Variants in SKI observed in about 807,000 individuals in gnomAD.
SKI encodes SKI proto-oncogene.
A neutral mutation model predicts 59.3 loss-of-function variants in SKI; 23 were observed. That is an observed-to-expected ratio of 0.39 (90% CI 0.28 to 0.55). The LOEUF (loss-of-function observed/expected upper bound fraction) is 0.55. Among genes scored for constraint, SKI ranks in the 20% least tolerant of loss-of-function variants. The probability of loss-of-function intolerance (pLI) is 0.67; values close to 1 mark genes in which losing one functional copy is unlikely to be tolerated. For missense variants in SKI, 1,017 were observed against 1,038.9 expected (o/e 0.98, Z 0.29); for synonymous variants, 673 against 488.6 (o/e 1.38, Z -4.98).
intron 1 of SKI, among the ~76,000 whole-genome samples, chr1:2,274,571 C>A (rs1639700830): frequency 6.6e-6 from 1 of 152,250 alleles, no homozygotes; most frequent in African/African-American, 2.4e-5. Flanking sequence ...CCACTCCTGC[C>A]CCATGGCAGG....
In SKI at chr1:2,264,350, A is replaced by G. The variant is rs571764645; in HGVS notation, c.969+34615A>G. On this transcript the variant is annotated intron_variant, in intron 1 of 6. Transcript: ENST00000378536. ...AGTGGCACGATCTCGGCTCACTGCAACCTCTGCCTCTGGGTTCAAGTGATT... is the reference window on the plus strand; with the variant it reads ...AGTGGCACGATCTCGGCTCACTGCAGCCTCTGCCTCTGGGTTCAAGTGATT... Among the ~76,000 whole-genome samples, 32 of 152,146 alleles carry G rather than the reference A, an allele frequency of 2.1e-4. No individual in the cohort carries two copies. The South Asian group carries it at 4.6e-3, about 22-fold the overall frequency.
intron 1 of SKI, among the ~76,000 whole-genome samples, chr1:2,244,121 A>G (rs1638939523): frequency 6.6e-6 from 1 of 151,950 alleles, no homozygotes; most frequent in African/African-American, 2.4e-5. Flanking sequence ...GCCCGCCACC[A>G]CACCCGGATA....
intron 1 of SKI, among the ~76,000 whole-genome samples, chr1:2,251,454 G>A (rs1440739699): frequency 6.6e-6 from 1 of 152,098 alleles, no homozygotes; most frequent in African/African-American, 2.4e-5. Flanking sequence ...TCTTATTTCA[G>A]AGCCGGCAGG....
intron 1 of SKI, among the ~76,000 whole-genome samples, chr1:2,277,828 A>G (rs1046741353): frequency 1.5e-5 from 2 of 134,372 alleles, no homozygotes; most frequent in Non-Finnish European, 3.1e-5. Context: ...ACACACCTGC[A>G]CTCACGCACT....
In SKI at chr1:2,307,179, G is replaced by GGCGGCCGCC. The variant is rs547005488; in HGVS notation, c.*415_*423dup. 1 of 153,988 alleles carries GGCGGCCGCC rather than the reference G, an allele frequency of 6.5e-6. No individual in the cohort carries two copies. The highest frequency in any genetic ancestry group is 6.5e-5 in the Admixed American group (1 of 15,320). 9.5% of individuals were successfully genotyped at this position (153,988 alleles called of 1,614,324 possible). ...TGAAGACCCGCAACGGAGTGGGGGT[G>GGCGGCCGCC]GCGGCCGCCCCACCCTCCCCACCCG... is the stretch of plus-strand genomic sequence containing the variant. On this transcript the variant is annotated 3_prime_UTR_variant, in exon 7 of 7. Transcript: ENST00000378536.
chr1:2,290,109 G>A (rs974893904), intron 1 of SKI, among the ~76,000 whole-genome samples: 5 of 152,154 alleles, frequency 3.3e-5, no homozygotes, highest in African/African-American at 1.2e-4. Flanking sequence ...TGGGGAGGGA[G>A]TCGGTAAGGC....
At chr1:2,279,223 T>C (rs1639816005) in intron 1 of SKI, among the ~76,000 whole-genome samples, 2 of 152,200 alleles carry the variant, frequency 1.3e-5, no homozygotes, top group African/African-American at 4.8e-5. Context: ...CTCTGGCCTT[T>C]CTTCTGCATC....
chr1:2,272,885 G>T (rs1415187794), intron 1 of SKI, among the ~76,000 whole-genome samples: 6 of 151,982 alleles, frequency 3.9e-5, no homozygotes, highest in African/African-American at 1.2e-4. Context: ...TGCCCCCGAG[G>T]CTCGCTGGCG....
intron 1 of SKI, among the ~76,000 whole-genome samples, chr1:2,242,196 C>G (rs537194673): frequency 2.4e-4 from 37 of 152,322 alleles, no homozygotes; most frequent in African/African-American, 8.9e-4. Context: ...TGGTGAACCT[C>G]TGTAAATGTA....
chr1:2,261,810 G>A (rs1035006042), intron 1 of SKI, among the ~76,000 whole-genome samples: 2 of 151,958 alleles, frequency 1.3e-5, no homozygotes, highest in East Asian at 3.9e-4. Flanking sequence ...CCTCGCTCCT[G>A]ATCTCCTGAT....
At chr1:2,250,552 G>A (rs539873725) in intron 1 of SKI, among the ~76,000 whole-genome samples, 1 of 152,252 alleles carries the variant, frequency 6.6e-6, no homozygotes, top group Non-Finnish European at 1.5e-5. Flanking sequence ...GCTGCTGCTG[G>A]CACTGGCCTC....
chr1:2,282,158 G>GA (rs1264256082), intron 1 of SKI, among the ~76,000 whole-genome samples: 2 of 37,208 alleles, frequency 5.4e-5, no homozygotes, highest in Non-Finnish European at 4.7e-5. Flanking sequence ...TTCAGAGAGA[G>GA]GACGCCCGAG....
rs1254408317 is a variant in SKI, at chr1:2,267,667, G to C, written c.970-35311G>C. Among the ~76,000 whole-genome samples the C allele has an allele frequency of 1.3e-5, 2 of 152,158 alleles. No individual in the cohort carries two copies. The highest frequency in any genetic ancestry group is 2.1e-4 in the South Asian group (1 of 4,830). ...CCTGGGAAAGGCTTGTTGTGGGGGCGGGGGGCGCACCACACTTCAGGGATG... is the reference window on the plus strand; with the variant it reads ...CCTGGGAAAGGCTTGTTGTGGGGGCCGGGGGCGCACCACACTTCAGGGATG... On this transcript the variant is annotated intron_variant, in intron 1 of 6. Transcript: ENST00000378536. The surrounding 1 kb of genome is among the most constrained non-coding windows in gnomAD (Gnocchi z 4.1).
chr1:2,300,758 A>G (rs1557849185), intron 1 of SKI, among the ~76,000 whole-genome samples: 1 of 152,122 alleles, frequency 6.6e-6, no homozygotes, highest in African/African-American at 2.4e-5. Context: ...CATGTCTCCG[A>G]AGGCTCGTCC....
intron 1 of SKI, among the ~76,000 whole-genome samples, chr1:2,286,004 G>A (rs545529288): frequency 1.3e-5 from 2 of 151,408 alleles, no homozygotes; most frequent in African/African-American, 4.9e-5. Context: ...CTCCCGAGTA[G>A]CTGGGACTAC....
chr1:2,300,936 C>A (rs1239829342), intron 1 of SKI, among the ~76,000 whole-genome samples: 1 of 152,204 alleles, frequency 6.6e-6, no homozygotes, highest in Non-Finnish European at 1.5e-5. Flanking sequence ...GCTGTTGGGG[C>A]CCCACCAGGC....
At chr1:2,247,561 G>A (rs907463702) in intron 1 of SKI, among the ~76,000 whole-genome samples, 1 of 152,232 alleles carries the variant, frequency 6.6e-6, no homozygotes, top group African/African-American at 2.4e-5. Context: ...TGGTGGACCC[G>A]GGGCAAGGGG....
intron 1 of SKI, among the ~76,000 whole-genome samples, chr1:2,238,689 C>T (rs60422395): frequency 9.8e-5 from 15 of 152,342 alleles, no homozygotes; most frequent in East Asian, 1.9e-4. Flanking sequence ...GTGGACACTG[C>T]GTGTGTGGTG....
chr1:2,272,185 C>T (rs377311435), intron 1 of SKI, among the ~76,000 whole-genome samples: 2 of 152,228 alleles, frequency 1.3e-5, no homozygotes, highest in African/African-American at 2.4e-5. Flanking sequence ...CACAGATGGG[C>T]GGGGCTGGAG....
Sources: gnomAD v4.1 joint callset for allele counts (sites outside exome capture counted in the v4.1 genomes callset) on GRCh38, gnomAD v4.1.1 for gene constraint, Gnocchi (gnomAD v3.1) non-coding constraint, MANE v1.5 for transcripts, NCBI Gene and HGNC (gene_info 2026-07-23, HGNC 2026-07-21) for gene names.